The following PDXDC1 variants were observed in gnomAD, a reference collection of about 807,000 sequenced individuals.
PDXDC1 encodes the protein pyridoxal-dependent decarboxylase domain-containing protein 1.
A neutral mutation model predicts 100.1 loss-of-function variants in PDXDC1; 42 were observed. The ratio of observed to expected loss-of-function variants is 0.42; its 90% confidence interval spans 0.33 to 0.54. PDXDC1 has a LOEUF of 0.54. Ranked by LOEUF, PDXDC1 falls within the 20% of genes least tolerant of loss-of-function variation. The pLI is 0.10. For missense variants in PDXDC1, 636 were observed against 979.2 expected, an observed-to-expected ratio of 0.65 and a Z score of 4.68; for synonymous variants, 260 against 371.7, an observed-to-expected ratio of 0.70 and a Z score of 3.46.
intron 1 of PDXDC1, among the ~76,000 whole-genome samples, chr16:14,984,931 G>A (rs1275582219): frequency 6.6e-6 from 1 of 152,146 alleles, no homozygotes; most frequent in African/African-American, 2.4e-5. Context: ...CTGGAGTGCA[G>A]TGGTGCATTC....
chr16:15,111,235 T>A (rs1415604971), intron 16 of PDXDC1, among the ~76,000 whole-genome samples: 1 of 147,768 alleles, frequency 6.8e-6, no homozygotes, highest in African/African-American at 2.5e-5. Flanking sequence ...GGCAGGCGGA[T>A]CACCTGAGGT....
At chr16:15,130,146 C>G in intron 16 of PDXDC1, 2 of 1,355,566 alleles carry the variant, frequency 1.5e-6, no homozygotes, top group Non-Finnish European at 1.0e-6. Context: ...TAGAGCCGAG[C>G]CCACCCAGGC....
intron 16 of PDXDC1, among the ~76,000 whole-genome samples, chr16:15,128,972 A>AT (rs1318161371): frequency 2.0e-5 from 3 of 149,112 alleles, no homozygotes; most frequent in African/African-American, 4.9e-5. Context: ...CGCCGGCCTA[A>AT]TTTTTTTGTA....
chr16:14,976,234 C>T (rs1966823582), intron 1 of PDXDC1, among the ~76,000 whole-genome samples: 1 of 152,272 alleles, frequency 6.6e-6, no homozygotes, highest in Non-Finnish European at 1.5e-5. Context: ...AGTGCATACC[C>T]GGTTTTTCAT....
chr16:15,027,291 A>G (rs1345326641), intron 14 of PDXDC1, among the ~76,000 whole-genome samples: 6 of 152,254 alleles, frequency 3.9e-5, no homozygotes, highest in Non-Finnish European at 5.9e-5. Context: ...TGCTGCTCAG[A>G]CCTCTAGGAG....
intron 16 of PDXDC1, among the ~76,000 whole-genome samples, chr16:15,082,680 GA>G (rs1026076763): frequency 8.0e-4 from 113 of 141,138 alleles, no homozygotes; most frequent in African/African-American, 1.4e-3. Context: ...CCCCACCCCT[GA>G]AAAAAAAAAA....
chr16:15,064,170 GT>G (rs1023278104), intron 16 of PDXDC1, among the ~76,000 whole-genome samples: 44 of 147,644 alleles, frequency 3.0e-4, no homozygotes, highest in Non-Finnish European at 4.1e-4. Flanking sequence ...ATCGCTTTTT[GT>G]TTTTTTTTTG....
rs889452650 is a variant in PDXDC1, at chr16:14,988,828, C to T, written c.22-8925C>T. On this transcript the variant is annotated intron_variant, in intron 1 of 22. Transcript: ENST00000396410. ...ATGCCCTGCAGGATGCCTGGGGCAC[C>T]CACCTTCACCAGCCCCTTGCAGCCA... The T allele has an allele frequency of 2.1e-5, 34 of 1,613,760 alleles. 1 individual carries two copies. The African/African-American group carries it at 4.3e-4, about 20-fold the overall frequency.
chr16:15,124,010 T>A (rs1044770656), intron 16 of PDXDC1, among the ~76,000 whole-genome samples: 1 of 152,032 alleles, frequency 6.6e-6, no homozygotes, highest in Admixed American at 6.6e-5. Flanking sequence ...GTGTGGACTT[T>A]AAATTCTGAA....
chr16:15,137,749 C>G (rs2048395305), intron 16 of PDXDC1: 1 of 1,489,578 alleles, frequency 6.7e-7, no homozygotes, highest in Non-Finnish European at 9.1e-7. Context: ...CCCACCGGCA[C>G]TCACCACAGC....
downstream of PDXDC1, among the ~76,000 whole-genome samples, chr16:15,139,923 C>T (rs562073335): frequency 5.9e-5 from 9 of 151,934 alleles, no homozygotes; most frequent in South Asian, 1.5e-3. Context: ...GGGTGAAACC[C>T]CATCTCTACT....
At chr16:15,131,559 G>C in intron 16 of PDXDC1, 19 of 1,609,066 alleles carry the variant, frequency 1.2e-5, no homozygotes, top group Non-Finnish European at 1.5e-5. Flanking sequence ...GGGGCTCCTC[G>C]TTGAGCACGC....
At chr16:15,063,214 G>C in intron 16 of PDXDC1, 1 of 1,611,308 alleles carries the variant, frequency 6.2e-7, no homozygotes, top group South Asian at 1.1e-5. Context: ...TGGGTTTCTT[G>C]AACTCCTGTA....
At position 15,106,196 on chromosome 16, in the gene PDXDC1, G is replaced by A; in HGVS notation, c.1400-32683G>A. ...GAAATTGAATGTTGAGAGAGTCTAA[G>A]GGCCGTGGCATCATCTGCATCAGCA... On this transcript the variant is annotated intron_variant, in intron 16 of 16. Coordinates refer to the PDXDC1 transcript ENST00000535621. 2.9e-6 allele frequency: 2 copies of A among 680,004 alleles called. 1 individual carries two copies. The highest frequency in any genetic ancestry group is 4.7e-6 in the Non-Finnish European group (2 of 425,794). The allele number at this position is 680,004 out of a possible 1,614,324, so 42.1% of individuals were successfully genotyped here. A position where few individuals can be genotyped will look rare whatever the true frequency, so the allele number is the denominator to read the frequency against.
chr16:15,100,194 G>C (rs1254440135), intron 16 of PDXDC1, among the ~76,000 whole-genome samples: 3 of 152,038 alleles, frequency 2.0e-5, no homozygotes, highest in Non-Finnish European at 2.9e-5. Context: ...GAATGGTAGG[G>C]CGGATCCACA....
intron 16 of PDXDC1, among the ~76,000 whole-genome samples, chr16:15,099,404 A>G (rs1598058738): frequency 7.1e-6 from 1 of 141,312 alleles, no homozygotes; most frequent in South Asian, 2.4e-4. Context: ...TGGGCAACAG[A>G]GCAAGACTTG....
intron 16 of PDXDC1, among the ~76,000 whole-genome samples, chr16:15,090,539 T>G (rs562757931): frequency 1.3e-5 from 2 of 152,330 alleles, no homozygotes; most frequent in South Asian, 4.1e-4. Flanking sequence ...TTCAAGGCTG[T>G]AGTGCACTAT....
chr16:15,131,575 C>A, intron 16 of PDXDC1: 3 of 1,607,832 alleles, frequency 1.9e-6, no homozygotes, highest in Non-Finnish European at 2.5e-6. Flanking sequence ...CACGCGGGAG[C>A]GCGTGAGGAT....
rs953839308 is a variant in PDXDC1, at chr16:15,085,558, T to A, written c.1400-53321T>A. On this transcript the variant is annotated intron_variant, in intron 16 of 16. Coordinates refer to the PDXDC1 transcript ENST00000535621. ...GTCTCAAACTCTTGGCCTCAAGTGA[T>A]CCTCCCGTCTTGGCTTCCCAAAGTG... is the stretch of plus-strand genomic sequence containing the variant. 7 of 1,570,254 alleles carry A rather than the reference T, an allele frequency of 4.5e-6. No homozygotes were observed. In the African/African-American group the frequency reaches 5.4e-5, roughly 12 times the overall value.
Sources: gnomAD v4.1 joint callset for allele counts (sites outside exome capture counted in the v4.1 genomes callset) on GRCh38, gnomAD v4.1.1 for gene constraint, MANE v1.5 for transcripts, NCBI Gene and HGNC (gene_info 2026-07-23, HGNC 2026-07-21) for gene names.